The following COLEC11 variants were observed in gnomAD, a reference collection of about 807,000 sequenced individuals.
The protein encoded by COLEC11 is collectin subfamily member 11.
A neutral mutation model predicts 27.3 loss-of-function variants in COLEC11; 20 were observed. The ratio of observed to expected loss-of-function variants is 0.73; its 90% CI spans 0.51 to 1.06. The LOEUF (loss-of-function observed/expected upper bound fraction) is 1.06, where lower values mean the gene tolerates loss of function less well. COLEC11 is among the 50% of genes least tolerant of loss of function. COLEC11 has a pLI of 0.00. For synonymous variants in COLEC11, 163 were observed against 154.7 expected (o/e 1.05, Z -0.40); for missense variants, 310 against 383.0 (o/e 0.81, Z 1.59).
At chr2:3,604,221 G>A (rs1354661491) in intron 1 of COLEC11, 94 bp from the exon 2 acceptor site, 99 of 1,384,846 alleles carry the variant, frequency 7.1e-5, no homozygotes, top group Non-Finnish European at 8.9e-5. Context: ...CAGGCACCAG[G>A]AGGGCTACAC....
intron 1 of COLEC11, among the ~76,000 whole-genome samples, chr2:3,600,472 C>T (rs1662137976): frequency 6.6e-6 from 1 of 152,144 alleles, no homozygotes; most frequent in African/African-American, 2.4e-5. Context: ...GGAGGATCCC[C>T]TGAGCCCAGG....
In COLEC11 at chr2:3,644,422, A is replaced by G. The variant is rs77588791; in HGVS notation, c.*304A>G. Reference sequence around the variant, plus strand: ...GCTTGTGCCTTTGTCCAAGCTATACAATAAAATCTTTAAGTAGTGCAGTAG... The same window carrying G: ...GCTTGTGCCTTTGTCCAAGCTATACGATAAAATCTTTAAGTAGTGCAGTAG... On this transcript the variant is annotated 3_prime_UTR_variant, in exon 7 of 7. Transcript: ENST00000349077. 332 of 580,868 alleles carry G rather than the reference A, an allele frequency of 5.7e-4. 4 individuals are homozygous for G. In the East Asian group the frequency reaches 0.011, roughly 20 times the overall value. The allele number at this position is 580,868 out of a possible 1,614,324, so 36.0% of individuals were successfully genotyped here.
intron 1 of COLEC11, among the ~76,000 whole-genome samples, chr2:3,595,946 T>C (rs1661807788): frequency 6.6e-6 from 1 of 152,252 alleles, no homozygotes; most frequent in Non-Finnish European, 1.5e-5. Context: ...GCCCCAATCT[T>C]TCACAGCTAT....
Position 3,644,046 on chromosome 2 carries a change from G to C in COLEC11, c.744G>C (p.Ser248=), listed in dbSNP as rs369567362. Reference sequence around the variant, plus strand: ...AGGACTGCGTGGAGATGGTGGCCTCGGGCGGCTGGAACGACGTGGCCTGCC... The same window carrying C: ...AGGACTGCGTGGAGATGGTGGCCTCCGGCGGCTGGAACGACGTGGCCTGCC... ...DEEDCVEMVA[S]GGWNDVACHT... is the part of the protein sequence containing the mutation. Residue 248 remains serine, a synonymous_variant, in exon 7 of 7, where the codon TCG becomes TCC. Transcript: ENST00000349077. 50 of 1,613,650 alleles carry C rather than the reference G, an allele frequency of 3.1e-5. No homozygotes were observed. Among genetic ancestry groups the C allele is most frequent in the Non-Finnish European group, 4.2e-5 (49 of 1,180,054 alleles).
intron 3 of COLEC11, among the ~76,000 whole-genome samples, chr2:3,627,420 CGAT>C (rs932633514): frequency 7.0e-6 from 1 of 143,652 alleles, no homozygotes; most frequent in Non-Finnish European, 1.5e-5. Flanking sequence ...ATGGGCACAA[CGAT>C]GAGCATGATG....
chr2:3,637,421 G>A (rs1445811352), intron 3 of COLEC11, 112 bp from the exon 4 acceptor site: 3 of 790,356 alleles, frequency 3.8e-6, no homozygotes, highest in African/African-American at 1.7e-5. Context: ...TCTCTTCTAT[G>A]TGCCTGTGAT....
chr2:3,603,507 C>T (rs1662394228), intron 1 of COLEC11: 7 of 725,540 alleles, frequency 9.6e-6, no homozygotes, highest in African/African-American at 1.8e-5. Context: ...AGAAGACATG[C>T]GGTTTCACCA....
chr2:3,625,919 C>A, intron 3 of COLEC11: 3 of 1,171,940 alleles, frequency 2.6e-6, no homozygotes, highest in Non-Finnish European at 3.8e-6. Flanking sequence ...AGGCATGAGC[C>A]GCCATACCTG....
intron 2 of COLEC11, among the ~76,000 whole-genome samples, 156 bp from the exon 3 acceptor site, chr2:3,613,155 G>A (rs1218386189): frequency 1.0e-4 from 15 of 146,206 alleles, no homozygotes; most frequent in African/African-American, 4.2e-4. Flanking sequence ...CAGAGTAGCG[G>A]CTGGGCTGCA....
At position 3,602,128 on chromosome 2, in the gene COLEC11, CACGGGGCTGTT is replaced by C. The variant is rs1339964690; in HGVS notation, c.-26-2186_-26-2176del. On this transcript the variant is annotated intron_variant, in intron 1 of 6. Coordinates refer to ENST00000349077, the MANE Select transcript of COLEC11 (RefSeq NM_024027.5). This position sits in a 1 kb window ranked among gnomAD's most constrained non-coding sequence, Gnocchi z 6.2. ...CCCCTGGCTTTTGTAGCAGGGCTCT[CACGGGGCTGTT>C]GATGTGGGAAGCCCCCCACCACAGA... 2.6e-5 allele frequency: 4 copies of C among 152,354 alleles called. No individual in the cohort carries two copies. In the East Asian group the frequency reaches 7.7e-4, roughly 29 times the overall value. 9.4% of individuals were successfully genotyped at this position (152,354 alleles called of 1,614,324 possible). A position where few individuals can be genotyped will look rare whatever the true frequency, so the allele number is the denominator to read the frequency against.
intron 1 of COLEC11, among the ~76,000 whole-genome samples, chr2:3,600,868 G>A (rs977968213): frequency 2.0e-5 from 3 of 152,230 alleles, no homozygotes; most frequent in African/African-American, 7.2e-5. Context: ...TACTGCTTTT[G>A]TGTGTATCTG....
chr2:3,635,897 A>G (rs1342513368), intron 3 of COLEC11, among the ~76,000 whole-genome samples: 1 of 152,200 alleles, frequency 6.6e-6, no homozygotes, highest in Non-Finnish European at 1.5e-5. Flanking sequence ...CAGATAAGAG[A>G]ATGCATGTGA....
At chr2:3,643,664 C>T in intron 6 of COLEC11, 63 bp from the exon 7 acceptor site, 1 of 1,610,964 alleles carries the variant, frequency 6.2e-7, no homozygotes, top group Non-Finnish European at 8.5e-7. Context: ...CTGCCTGTGG[C>T]TGTGCCTTAA....
chr2:3,639,695 T>C (rs987487889), intron 4 of COLEC11, among the ~76,000 whole-genome samples: 8 of 152,240 alleles, frequency 5.3e-5, no homozygotes, highest in Non-Finnish European at 1.2e-4. Context: ...TGAGGAGAAC[T>C]GAGGGGCAGG....
At chr2:3,607,273 G>A (rs1197928384) in intron 2 of COLEC11, among the ~76,000 whole-genome samples, 2 of 152,108 alleles carry the variant, frequency 1.3e-5, no homozygotes, top group Admixed American at 1.3e-4. Flanking sequence ...ATAATATATT[G>A]TCTTTACATT....
chr2:3,627,670 G>A (rs945184535), intron 3 of COLEC11, among the ~76,000 whole-genome samples: 3 of 150,982 alleles, frequency 2.0e-5, no homozygotes, highest in African/African-American at 7.3e-5. Context: ...GCACGATGAC[G>A]CTGAGCACAG....
intron 3 of COLEC11, among the ~76,000 whole-genome samples, chr2:3,616,378 A>G (rs1196246685): frequency 2.6e-5 from 4 of 151,932 alleles, no homozygotes; most frequent in Middle Eastern, 3.4e-3. Context: ...AGAGGCTGCA[A>G]TCTCGGCACT....
chr2:3,599,679 C>A (rs1662083838), intron 1 of COLEC11, among the ~76,000 whole-genome samples: 1 of 152,212 alleles, frequency 6.6e-6, no homozygotes. Context: ...TGTCCCTCAC[C>A]CACTGCCCTC....
intron 3 of COLEC11, among the ~76,000 whole-genome samples, chr2:3,628,476 T>C (rs1278051762): frequency 6.6e-6 from 1 of 152,188 alleles, no homozygotes; most frequent in East Asian, 1.9e-4. Context: ...GCTGTCCCCA[T>C]TGGTGGGGGT....
Sources: gnomAD v4.1 joint callset for allele counts (sites outside exome capture counted in the v4.1 genomes callset) on GRCh38, gnomAD v4.1.1 for gene constraint, Gnocchi (gnomAD v3.1) non-coding constraint, MANE v1.5 for transcripts, NCBI Gene and HGNC (gene_info 2026-07-23, HGNC 2026-07-21) for gene names.